Variants in MATN2 observed in about 807,000 individuals in gnomAD.
MATN2 encodes the protein matrilin-2.
MATN2 carries 69 observed loss-of-function variants against 103.2 expected under a neutral mutation model. That is an observed-to-expected ratio of 0.67 (90% CI 0.55 to 0.82). The LOEUF (loss-of-function observed/expected upper bound fraction) is 0.82, where lower values mean the gene tolerates loss of function less well. MATN2 is among the 40% of genes least tolerant of loss of function. The pLI, the probability that MATN2 is intolerant of heterozygous loss-of-function variation, is 0.00. For missense variants in MATN2, 1,023 were observed against 1,211.5 expected, an observed-to-expected ratio of 0.84 and a Z score of 2.31; for synonymous variants, 429 against 450.2, an observed-to-expected ratio of 0.95 and a Z score of 0.60.
intron 13 of MATN2, among the ~76,000 whole-genome samples, chr8:98,026,037 G>A (rs1813786992): frequency 1.3e-5 from 2 of 151,914 alleles, no homozygotes; most frequent in South Asian, 4.2e-4. Flanking sequence ...AAACTAGCCA[G>A]GCATGGTAGC....
chr8:97,986,934 G>A (rs950924399), intron 6 of MATN2, among the ~76,000 whole-genome samples: 15 of 152,064 alleles, frequency 9.9e-5, no homozygotes, highest in African/African-American at 2.7e-4. Flanking sequence ...CAGGGTTCAC[G>A]CCATTCTCCT....
Position 97,980,796 on chromosome 8 carries a change from T to C in MATN2, c.1081+1788T>C, listed in dbSNP as rs568209982. Among the ~76,000 whole-genome samples the C allele has an allele frequency of 5.3e-5, 8 of 152,172 alleles. No homozygotes were observed. In the South Asian group the frequency reaches 1.5e-3, roughly 28 times the overall value. On this transcript the variant is annotated intron_variant, in intron 6 of 18. Coordinates refer to ENST00000254898, the MANE Select transcript of MATN2 (RefSeq NM_002380.5). The stretch of plus-strand genomic sequence containing the variant: ...ATTAGCCAGGCTGGTGTCGAATCCC[T>C]GACCTCAAGTGATCCACCCACCTCA...
At chr8:98,025,462 C>A (rs1418031189) in intron 13 of MATN2, 3 of 193,688 alleles carry the variant, frequency 1.5e-5, no homozygotes, top group Admixed American at 1.2e-4. Context: ...GAAATGAGAT[C>A]ATCTGGCCCA....
rs147665606 is a variant in MATN2, at chr8:97,928,678, T to G, written c.143-2275T>G. ...GCTGTAACCCTGCCCCTACCCAGCC[T>G]GGGGCTGGACACGAGTGAGGGCTGA... On this transcript the variant is annotated intron_variant, in intron 2 of 18. Coordinates refer to ENST00000254898, the MANE Select transcript of MATN2 (RefSeq NM_002380.5). Among the ~76,000 whole-genome samples, 901 of 152,160 alleles carry G rather than the reference T, an allele frequency of 5.9e-3. 1 individual carries two copies. Among genetic ancestry groups the G allele is most frequent in the Middle Eastern group, 0.017 (5 of 294 alleles).
At chr8:97,963,824 C>T (rs1563694781) in intron 5 of MATN2, among the ~76,000 whole-genome samples, 1 of 152,114 alleles carries the variant, frequency 6.6e-6, no homozygotes, top group Non-Finnish European at 1.5e-5. Context: ...ACTAAGCACT[C>T]GATCTGTTAG....
intron 7 of MATN2, among the ~76,000 whole-genome samples, chr8:97,999,659 A>C (rs1485866827): frequency 6.6e-6 from 1 of 152,136 alleles, no homozygotes; most frequent in Non-Finnish European, 1.5e-5. Context: ...AGCTAACAAT[A>C]TCCTGCCTCT....
At chr8:97,956,938 A>C (rs1811163649) in intron 4 of MATN2, among the ~76,000 whole-genome samples, 1 of 152,218 alleles carries the variant, frequency 6.6e-6, no homozygotes, top group South Asian at 2.1e-4. Context: ...TTCATTCAGC[A>C]AATGAACTCT....
intron 3 of MATN2, among the ~76,000 whole-genome samples, chr8:97,932,990 G>A (rs1241838136): frequency 6.6e-6 from 1 of 152,178 alleles, no homozygotes; most frequent in Non-Finnish European, 1.5e-5. Context: ...CTCAGAATGT[G>A]ACATATTCTA....
rs112248891 is a variant in MATN2 at position 97,964,048 on chromosome 8, T to C, written c.958+2518T>C. Among the ~76,000 whole-genome samples the C allele has an allele frequency of 6.3e-3, 954 of 152,152 alleles. 8 individuals carry two copies. The highest frequency in any genetic ancestry group is 9.3e-3 in the Non-Finnish European group (634 of 67,978). On this transcript the variant is annotated intron_variant, in intron 5 of 18. Transcript: ENST00000254898. ...CTGAGTGTGGAAGGAAGGGTGGCAA[T>C]TGGACAAATGTCCAAGGCAGGGGGA...
At chr8:97,939,016 C>T (rs1810468595) in intron 3 of MATN2, among the ~76,000 whole-genome samples, 1 of 151,938 alleles carries the variant, frequency 6.6e-6, no homozygotes, top group Non-Finnish European at 1.5e-5. Flanking sequence ...ATTACAGGCA[C>T]CTGCCACCAT....
At chr8:97,943,872 G>C (rs1810657419) in intron 4 of MATN2, among the ~76,000 whole-genome samples, 3 of 152,144 alleles carry the variant, frequency 2.0e-5, no homozygotes, top group African/African-American at 7.2e-5. Flanking sequence ...CCAAGCCAGA[G>C]GAATTCTGAC....
At chr8:97,950,726 T>C (rs1406361499) in intron 4 of MATN2, 3 of 152,240 alleles carry the variant, frequency 2.0e-5, no homozygotes, top group African/African-American at 7.2e-5. Flanking sequence ...GGGAGGAGTT[T>C]ATGACATCAG....
At chr8:97,992,928 C>CAAT (rs58706549) in intron 6 of MATN2, among the ~76,000 whole-genome samples, 26,856 of 144,444 alleles carry the variant, frequency 0.19, 2,459 homozygotes, top group Admixed American at 0.2. Flanking sequence ...TCAAAACAAA[C>CAAT]AATAATAATA....
At chr8:98,034,011 G>A (rs1441683459) in intron 18 of MATN2, among the ~76,000 whole-genome samples, 1 of 152,058 alleles carries the variant, frequency 6.6e-6, no homozygotes, top group Admixed American at 6.5e-5. Flanking sequence ...GTGCATCAAA[G>A]GTACGGTAAG....
rs1269054945 is a variant in MATN2 at position 98,007,784 on chromosome 8, A to G, written c.1573+183A>G. ...GTGGCTGCTTCACCAACTCCCCTCAATCTTCCTTCCCCCGTGCCCTGAAGT... is the reference window on the plus strand; with the variant it reads ...GTGGCTGCTTCACCAACTCCCCTCAGTCTTCCTTCCCCCGTGCCCTGAAGT... On this transcript the variant is annotated intron_variant, in intron 10 of 18. Transcript: ENST00000254898. This position sits in a 1 kb window ranked among gnomAD's most constrained non-coding sequence, Gnocchi z 4.2. 2.0e-5 allele frequency among the ~76,000 whole-genome samples: 3 copies of G among 151,942 alleles called. No individual in the cohort carries two copies. The highest frequency in any genetic ancestry group is 4.4e-5 in the Non-Finnish European group (3 of 67,998).
Position 98,007,469 on chromosome 8 carries a change from G to C in MATN2, c.1451-10G>C. ...ACTGATAAAGGGCTGCCTGGCTTTT[G>C]GTTTTGCAGGGGTGGATTACTGCCT... On this transcript the variant is annotated splice_polypyrimidine_tract_variant and intron_variant, in intron 9 of 18. Transcript: ENST00000254898. This position sits in a 1 kb window ranked among gnomAD's most constrained non-coding sequence, Gnocchi z 4.2. The C allele has an allele frequency of 6.2e-7, 1 of 1,608,382 alleles. No individual in the cohort carries two copies. The highest frequency in any genetic ancestry group is 8.5e-7 in the Non-Finnish European group (1 of 1,175,106).
chr8:97,999,997 C>T (rs1274609571), intron 7 of MATN2, among the ~76,000 whole-genome samples: 1 of 151,880 alleles, frequency 6.6e-6, no homozygotes, highest in Non-Finnish European at 1.5e-5. Flanking sequence ...CCTCTCACCT[C>T]AGCTTCCCAA....
chr8:97,890,517 AAAC>A (rs1818592888), intron 2 of MATN2, among the ~76,000 whole-genome samples: 1 of 151,756 alleles, frequency 6.6e-6, no homozygotes, highest in Non-Finnish European at 1.5e-5. Context: ...ACCAGAAAGC[AAAC>A]ACTATAGCTG....
At chr8:97,986,318 G>A (rs907149347) in intron 6 of MATN2, among the ~76,000 whole-genome samples, 2 of 152,060 alleles carry the variant, frequency 1.3e-5, no homozygotes, top group Non-Finnish European at 2.9e-5. Flanking sequence ...ATTTCAATAG[G>A]TTTTTGGGGA....
Sources: allele counts gnomAD v4.1 joint callset (sites outside exome capture counted in the v4.1 genomes callset), GRCh38; gene constraint gnomAD v4.1.1; non-coding constraint Gnocchi (gnomAD v3.1); transcripts MANE v1.5; gene names NCBI Gene and HGNC (gene_info 2026-07-23, HGNC 2026-07-21).